The following LRRC7 variants were observed in gnomAD, a reference collection of about 807,000 sequenced individuals.
LRRC7 encodes the protein leucine rich repeat containing 7.
Under a neutral mutation model 175.7 loss-of-function variants are expected in LRRC7, and 23 were observed. The ratio of observed to expected loss-of-function variants is 0.13; its 90% CI spans 0.09 to 0.19. The LOEUF is 0.19. Among genes scored for constraint, LRRC7 ranks in the 10% least tolerant of loss-of-function variants. The pLI, the probability that LRRC7 is intolerant of heterozygous loss-of-function variation, is 1.00. For synonymous variants in LRRC7, 685 were observed against 680.9 expected, an observed-to-expected ratio of 1.01 and a Z score of -0.09; for missense variants, 1,354 against 1,904.7, an observed-to-expected ratio of 0.71 and a Z score of 5.38.
intron 7 of LRRC7, among the ~76,000 whole-genome samples, chr1:69,880,907 T>A (rs1686535949): frequency 6.6e-6 from 1 of 152,136 alleles, no homozygotes; most frequent in Non-Finnish European, 1.5e-5. Flanking sequence ...AGCAACAAAT[T>A]GCAAAGCCAG....
At chr1:70,076,632 G>T (rs1662801752) in intron 24 of LRRC7, among the ~76,000 whole-genome samples, 1 of 152,152 alleles carries the variant, frequency 6.6e-6, no homozygotes, top group African/African-American at 2.4e-5. Context: ...GGACTTCAAT[G>T]GATTAGGTAT....
At chr1:69,933,434 T>C (rs908859747) in intron 8 of LRRC7, among the ~76,000 whole-genome samples, 1 of 152,218 alleles carries the variant, frequency 6.6e-6, no homozygotes, top group Admixed American at 6.5e-5. Flanking sequence ...AGTTTTATAC[T>C]TATTGTTTTA....
intron 8 of LRRC7, among the ~76,000 whole-genome samples, chr1:69,960,900 C>T (rs1003220666): frequency 2.0e-5 from 3 of 152,122 alleles, no homozygotes; most frequent in African/African-American, 7.2e-5. Context: ...AAGCTGGAAG[C>T]ATTCCCCTTG....
chr1:69,604,282 A>G (rs2101005910), intron 1 of LRRC7, among the ~76,000 whole-genome samples: 1 of 152,278 alleles, frequency 6.6e-6, no homozygotes, highest in East Asian at 1.9e-4. Flanking sequence ...TCTATCCTAC[A>G]AAGTTAATGC....
intron 1 of LRRC7, among the ~76,000 whole-genome samples, chr1:69,601,881 G>C (rs939290878): frequency 1.3e-5 from 2 of 152,008 alleles, no homozygotes; most frequent in African/African-American, 4.8e-5. Flanking sequence ...CTGCTGCTTT[G>C]GGACAGCTGA....
At chr1:70,020,201 A>T (rs1657337652) in intron 15 of LRRC7, among the ~76,000 whole-genome samples, 1 of 152,028 alleles carries the variant, frequency 6.6e-6, no homozygotes, top group Non-Finnish European at 1.5e-5. Context: ...AAAGAAAGAC[A>T]TATATGATAA....
In LRRC7 at chr1:70,076,196, G is replaced by A. The variant is rs143842567; in HGVS notation, c.4350G>A (p.Leu1450=). ...CCATCCAGCAATTTCAGTCACCATTGCCTATTCAGATCCCCTCTTCACAGG... is the reference window on the plus strand; with the variant it reads ...CCATCCAGCAATTTCAGTCACCATTACCTATTCAGATCCCCTCTTCACAGG... The part of the protein sequence containing the change: ...KVTIQQFQSP[L]PIQIPSSQAT... Residue 1450 remains leucine (L), a synonymous_variant, in exon 24 of 27, where the codon TTG becomes TTA. Transcript: ENST00000651989. The A allele has an allele frequency of 1.4e-5, 23 of 1,613,974 alleles. No individual in the cohort carries two copies. The Middle Eastern group carries it at 4.9e-4, about 35-fold the overall frequency.
chr1:70,089,377 A>T (rs930639467), intron 24 of LRRC7, among the ~76,000 whole-genome samples: 1 of 152,174 alleles, frequency 6.6e-6, no homozygotes, highest in Non-Finnish European at 1.5e-5. Context: ...ACCTGAATAC[A>T]TGTGCATTTA....
chr1:69,568,472 A>T lies in LRRC7; in HGVS notation c.-168A>T. 13 of 373,262 alleles carry T rather than the reference A, an allele frequency of 3.5e-5. No homozygotes were observed. Among genetic ancestry groups the T allele is most frequent in the Middle Eastern group, 3.9e-4 (1 of 2,572 alleles). 23.1% of individuals were successfully genotyped at this position (373,262 alleles called of 1,614,324 possible). A position where few individuals can be genotyped will look rare whatever the true frequency, so the allele number is the denominator to read the frequency against. On this transcript the variant is annotated 5_prime_UTR_variant, in exon 1 of 27. Transcript: ENST00000651989. ...ATGGTCTAACGTGGCACCTTCCTGG[A>T]TTCCCCTCTATCTCCTGTTCTTCCT...
At chr1:70,120,580 G>T (rs1666140890) in intron 26 of LRRC7, among the ~76,000 whole-genome samples, 1 of 152,000 alleles carries the variant, frequency 6.6e-6, no homozygotes, top group Admixed American at 6.6e-5. Context: ...TAAAGTCACT[G>T]AAAGAGTCTA....
chr1:70,083,225 A>G (rs980248169), intron 24 of LRRC7, among the ~76,000 whole-genome samples: 2 of 152,150 alleles, frequency 1.3e-5, no homozygotes, highest in Non-Finnish European at 2.9e-5. Context: ...ACATGTATAC[A>G]TTTTTATAAT....
intron 3 of LRRC7, among the ~76,000 whole-genome samples, chr1:69,783,267 T>A (rs1673982684): frequency 6.6e-6 from 1 of 152,210 alleles, no homozygotes; most frequent in South Asian, 2.1e-4. Context: ...TCTCTCATAT[T>A]TCTTTCCCAT....
intron 4 of LRRC7, among the ~76,000 whole-genome samples, chr1:69,793,863 C>T (rs1035669541): frequency 5.3e-5 from 8 of 152,078 alleles, no homozygotes; most frequent in African/African-American, 1.7e-4. Context: ...ACATGGAAAA[C>T]TTGTTGAAAT....
chr1:69,691,531 C>G (rs1557606120), intron 2 of LRRC7, among the ~76,000 whole-genome samples: 4 of 152,108 alleles, frequency 2.6e-5, no homozygotes, highest in African/African-American at 7.2e-5. Flanking sequence ...GGTACAGTGG[C>G]TGACCCCTGT....
intron 7 of LRRC7, among the ~76,000 whole-genome samples, chr1:69,854,974 C>A (rs1489559138): frequency 6.6e-6 from 1 of 152,042 alleles, no homozygotes; most frequent in Non-Finnish European, 1.5e-5. Context: ...ACTTTCATAC[C>A]TTAGAGCAGG....
intron 7 of LRRC7, among the ~76,000 whole-genome samples, chr1:69,854,632 C>G (rs147368133): frequency 6.6e-6 from 1 of 152,084 alleles, no homozygotes; most frequent in Non-Finnish European, 1.5e-5. Flanking sequence ...TCTTTACACT[C>G]TCATATAGAA....
intron 21 of LRRC7, among the ~76,000 whole-genome samples, chr1:70,042,272 T>C (rs913696654): frequency 2.6e-5 from 4 of 152,244 alleles, no homozygotes; most frequent in African/African-American, 4.8e-5. Context: ...AGACTTATTA[T>C]GTAAAACCAG....
intron 8 of LRRC7, among the ~76,000 whole-genome samples, chr1:69,952,958 C>T (rs896106572): frequency 6.4e-5 from 9 of 140,232 alleles, no homozygotes; most frequent in Non-Finnish European, 1.4e-4. Context: ...GAAGCCTGCC[C>T]ATGCCTTCAG....
chr1:69,632,480 T>G (rs1027826059), intron 1 of LRRC7, among the ~76,000 whole-genome samples: 9 of 152,178 alleles, frequency 5.9e-5, no homozygotes, highest in African/African-American at 2.2e-4. Flanking sequence ...TTTATGTAAT[T>G]AGAGAGATAA....
Sources: allele counts gnomAD v4.1 joint callset (sites outside exome capture counted in the v4.1 genomes callset), GRCh38; gene constraint gnomAD v4.1.1; transcripts MANE v1.5; gene names NCBI Gene and HGNC (gene_info 2026-07-23, HGNC 2026-07-21).